The following TREX2 variants were observed in gnomAD, a reference collection of about 807,000 sequenced individuals.
TREX2 encodes 3'-5' exonuclease TREX2 long form.
For missense variants in TREX2, 242 were observed against 235.3 expected (o/e 1.03, Z -0.19); for synonymous variants, 121 against 112.1 (o/e 1.08, Z -0.50).
Position 153,445,235 on chromosome X carries a change from G to A in TREX2, c.196C>T (p.Pro66Ser). 2 of 1,203,304 alleles carry A rather than the reference G, an allele frequency of 1.7e-6. No homozygotes were observed. Among genetic ancestry groups the A allele is most frequent in the Non-Finnish European group, 2.2e-6 (2 of 890,228 alleles). Reference sequence around the variant, plus strand: ...GCCTTGGCAGTGAAGGGGCGCTCCGGGCACATGCACAGCGTGAGCTTGTCC... The same window carrying A: ...GCCTTGGCAGTGAAGGGGCGCTCCGAGCACATGCACAGCGTGAGCTTGTCC... The part of the protein sequence containing the change: ...VLDKLTLCMC[P>S]ERPFTAKASE... The change falls in exon 2 of 2, where the codon CCG (proline) becomes TCG (serine). Residue 66 changes from proline (P) to serine (S), a missense_variant. Transcript: ENST00000370231.
rs373809426 is a variant in TREX2 at position 153,445,165 on chromosome X, C to T, written c.266G>A (p.Arg89Gln). Residue 89 changes from arginine (R) to glutamine (Q), a missense_variant, in exon 2 of 2, where the codon CGG (arginine) becomes CAG (glutamine). Transcript: ENST00000370231. ...GLSSEGLARC[R>Q]KAGFDGAVVR... ...CACGGCGCCATCAAAGCCAGCCTTC[C>T]GGCATCGCGCCAGGCCCTCACTGCT... The T allele has an allele frequency of 1.2e-4, 149 of 1,207,809 alleles. No homozygotes were observed. The highest frequency in any genetic ancestry group is 2.0e-4 in the Admixed American group (9 of 45,736).
In TREX2 at chrX:153,445,346, C is replaced by T; in HGVS notation, c.85G>A (p.Glu29Lys). The T allele has an allele frequency of 8.3e-7, 1 of 1,198,726 alleles. No individual in the cohort carries two copies. The highest frequency in any genetic ancestry group is 1.1e-6 in the Non-Finnish European group (1 of 888,581). Residue 29 changes from glutamate to lysine, a missense_variant, in exon 2 of 2, where the codon GAG (glutamate) becomes AAG (lysine). Transcript: ENST00000370231. ...CGGTGGACAGCAAAGAGGGACAGCT[C>T]GGCAATCTCGGGCTCCACACTGGGG... ...GLPSVEPEIA[E>K]LSLFAVHRSS...
intron 1 of TREX2, 32 bp from the exon 2 acceptor site, chrX:153,445,527 T>C: frequency 1.2e-6 from 1 of 846,578 alleles, no homozygotes; most frequent in Non-Finnish European, 1.7e-6. Context: ...GGCCCTGCTG[T>C]GTACCATCCT....
In TREX2 at chrX:153,445,174, G is replaced by T; in HGVS notation, c.257C>A (p.Ala86Glu). The T allele has an allele frequency of 2.5e-6, 3 of 1,209,410 alleles. No homozygotes were observed. The highest frequency in any genetic ancestry group is 3.4e-6 in the Non-Finnish European group (3 of 894,617). ...EITGLSSEGL[A>E]RCRKAGFDGA... is the part of the protein sequence containing the mutation. ...ATCAAAGCCAGCCTTCCGGCATCGC[G>T]CCAGGCCCTCACTGCTCAGGCCGGT... is the stretch of plus-strand genomic sequence containing the variant. Residue 86 changes from alanine to glutamate, a missense_variant, in exon 2 of 2, where the codon GCG becomes GAG. Physicochemically the swap from Ala to Glu is moderately radical, Grantham distance 107 (BLOSUM62 -1). Coordinates refer to ENST00000370231, the MANE Select transcript of TREX2 (RefSeq NM_080701.4).
At position 153,445,002 on chromosome X, in the gene TREX2, G is replaced by C. The variant is rs1556979313; in HGVS notation, c.429C>G (p.Val143=). 2 of 1,176,499 alleles carry C rather than the reference G, an allele frequency of 1.7e-6. No individual in the cohort carries two copies. Among genetic ancestry groups the C allele is most frequent in the Middle Eastern group, 2.4e-4 (1 of 4,220 alleles). The change falls in exon 2 of 2, where the codon GTC becomes GTG. Residue 143 remains valine (V), a synonymous_variant. Coordinates refer to ENST00000370231, the MANE Select transcript of TREX2 (RefSeq NM_080701.4). ...RLGARLPRDT[V]CLDTLPALRG... is the part of the protein sequence containing the mutation. ...GCAGGGCCGGCAGCGTGTCCAGGCA[G>C]ACAGTGTCCCGGGGCAGGCGGGCAC...
intron 1 of TREX2, 121 bp from the exon 2 acceptor site, chrX:153,445,616 G>A: frequency 3.8e-6 from 2 of 529,756 alleles, no homozygotes; most frequent in Non-Finnish European, 6.7e-6. Flanking sequence ...CTTTGGCTCT[G>A]GGAGCGTCAG....
rs781871778 is a variant in TREX2 at position 153,445,347 on chromosome X, G to T, written c.84C>A (p.Ala28=). The T allele has an allele frequency of 3.2e-5, 38 of 1,196,103 alleles. No homozygotes were observed. The highest frequency in any genetic ancestry group is 4.2e-5 in the Non-Finnish European group (37 of 887,756). The stretch of plus-strand genomic sequence containing the variant: ...GGTGGACAGCAAAGAGGGACAGCTC[G>T]GCAATCTCGGGCTCCACACTGGGGA... ...TGLPSVEPEI[A]ELSLFAVHRS... is the part of the protein sequence containing the mutation. Residue 28 remains alanine, a synonymous_variant, in exon 2 of 2, where the codon GCC becomes GCA. Transcript: ENST00000370231.
At position 153,445,321 on chromosome X, in the gene TREX2, C is replaced by T. The variant is rs782408064; in HGVS notation, c.110G>A (p.Arg37His). The change falls in exon 2 of 2, where the codon CGC (arginine) becomes CAC (histidine). Residue 37 changes from arginine (R) to histidine (H), a missense_variant. Physicochemically the swap from Arg to His is conservative, Grantham distance 29 (BLOSUM62 0). Coordinates refer to ENST00000370231, the MANE Select transcript of TREX2 (RefSeq NM_080701.4). ...GTGCTCCGGGTTCTCCAGGGAGGAGCGGTGGACAGCAAAGAGGGACAGCTC... is the reference window on the plus strand; with the variant it reads ...GTGCTCCGGGTTCTCCAGGGAGGAGTGGTGGACAGCAAAGAGGGACAGCTC... ...IAELSLFAVH[R>H]SSLENPEHDE... 21 of 1,203,131 alleles carry T rather than the reference C, an allele frequency of 1.7e-5. No homozygotes were observed. The highest frequency in any genetic ancestry group is 2.2e-5 in the Non-Finnish European group (20 of 891,382).
At chrX:153,445,652 G>A in intron 1 of TREX2, 157 bp from the exon 2 acceptor site, 1 of 515,086 alleles carries the variant, frequency 1.9e-6, no homozygotes, top group East Asian at 3.6e-5. Flanking sequence ...CTACTGAACA[G>A]AAAAGGCAGG....
chrX:153,444,836 G>A lies in TREX2; in HGVS notation c.595C>T (p.Leu199=), dbSNP rs782502623. The change falls in exon 2 of 2, where the codon CTG becomes TTG. Residue 199 remains leucine (L), a synonymous_variant. Transcript: ENST00000370231. ...TCTGCGGCGCGGTGCAGGAAGATCA[G>A]GAGCAGGGTGTGCACGTCGCCCTCG... ...SAEGDVHTLL[L]IFLHRAAELL... 1.7e-6 allele frequency: 2 copies of A among 1,201,108 alleles called. No individual in the cohort carries two copies. Among genetic ancestry groups the A allele is most frequent in the African/African-American group, 3.5e-5 (2 of 57,556 alleles).
Position 153,445,405 on chromosome X carries a change from G to T in TREX2, c.26C>A (p.Thr9Asn). ...GGCTTCCAGGTCCAGGAAGACAAAG[G>T]TCTCGGCCCGGGGTGCCTCGGACAT... is the stretch of plus-strand genomic sequence containing the variant. MSEAPRAETFVFLDLEATG... is the reference protein window; with the variant it reads MSEAPRAENFVFLDLEATG... Residue 9 changes from threonine (T) to asparagine (N), a missense_variant, in exon 2 of 2, where the codon ACC becomes AAC. Physicochemically the swap from Thr to Asn is moderately conservative, Grantham distance 65 (BLOSUM62 0). Coordinates refer to ENST00000370231, the MANE Select transcript of TREX2 (RefSeq NM_080701.4). The T allele has an allele frequency of 8.7e-7, 1 of 1,145,731 alleles. No homozygotes were observed. The allele number at this position is 1,145,731 out of a possible 1,213,427, so 94.4% of individuals were successfully genotyped here.
In TREX2 at chrX:153,444,627, G is replaced by A. The variant is rs889140175; in HGVS notation, c.*93C>T. ...GAAGGCCTGGCAGGTGCACGGACCT[G>A]AGGCTGCCCAGATAGGAGGAGCCGG... On this transcript the variant is annotated 3_prime_UTR_variant, in exon 2 of 2. Transcript: ENST00000370231. 157 of 1,008,235 alleles carry A rather than the reference G, an allele frequency of 1.6e-4. No homozygotes were observed. The highest frequency in any genetic ancestry group is 3.6e-4 in the Middle Eastern group (1 of 2,754). 83.1% of individuals were successfully genotyped at this position (1,008,235 alleles called of 1,213,427 possible).
Position 153,444,674 on chromosome X carries a change from C to T in TREX2, c.*46G>A, listed in dbSNP as rs1556979142. The T allele has an allele frequency of 6.1e-6, 7 of 1,148,397 alleles. No homozygotes were observed. The highest frequency in any genetic ancestry group is 3.6e-5 in the African/African-American group (2 of 55,792). 94.6% of individuals were successfully genotyped at this position (1,148,397 alleles called of 1,213,427 possible). A position where few individuals can be genotyped will look rare whatever the true frequency, so the allele number is the denominator to read the frequency against. On this transcript the variant is annotated 3_prime_UTR_variant, in exon 2 of 2. Coordinates refer to ENST00000370231, the MANE Select transcript of TREX2 (RefSeq NM_080701.4). ...CCGGGGGTGGTAGAGGCCAGCTGAA[C>T]GGTGGAGGCTGGCACTGTCCATGGC...
At chrX:153,445,567 G>A in intron 1 of TREX2, 72 bp from the exon 2 acceptor site, 1 of 662,463 alleles carries the variant, frequency 1.5e-6, no homozygotes, top group Non-Finnish European at 2.4e-6. Flanking sequence ...ACCCTTCTGG[G>A]GCTCACTTCC....
chrX:153,444,926 C>G lies in TREX2; in HGVS notation c.505G>C (p.Gly169Arg). ...TGGAAGAGGCTGCCGAGGCTGTAAC[C>G]CTGGCGGCCCCGGGCCCGGGTGCCG... ...SHGTRARGRQ[G>R]YSLGSLFHRY... Residue 169 changes from glycine (G) to arginine (R), a missense_variant, in exon 2 of 2, where the codon GGT becomes CGT. Gly to Arg is a moderately radical substitution (Grantham distance 125). Transcript: ENST00000370231. 8.4e-7 allele frequency: 1 copy of G among 1,196,786 alleles called. No homozygotes were observed. The highest frequency in any genetic ancestry group is 1.1e-6 in the Non-Finnish European group (1 of 888,336).
At position 153,444,795 on chromosome X, in the gene TREX2, G is replaced by GA; in HGVS notation, c.635_636insT (p.Asp213ArgfsTer2). ...GGGCCCACCCACGGGCCTGCTCATC[G>GA]GCCCAGGCGAGCAGCTCTGCGGCGC... is the stretch of plus-strand genomic sequence containing the variant. On this transcript the variant is annotated frameshift_variant, in exon 2 of 2. Coordinates refer to ENST00000370231, the MANE Select transcript of TREX2 (RefSeq NM_080701.4). LOFTEE classifies it low-confidence loss of function (END_TRUNC). The GA allele has an allele frequency of 2.5e-6, 3 of 1,197,723 alleles. No individual in the cohort carries two copies. The East Asian group carries it at 9.0e-5, about 36-fold the overall frequency.
chrX:153,445,145 C>T lies in TREX2; in HGVS notation c.286G>A (p.Ala96Thr), dbSNP rs782797044. ...ARCRKAGFDG[A>T]VVRTLQAFLS... The stretch of plus-strand genomic sequence containing the variant: ...AAGGCCTGCAGCGTCCGCACCACGG[C>T]GCCATCAAAGCCAGCCTTCCGGCAT... The change falls in exon 2 of 2, where the codon GCC (alanine) becomes ACC (threonine). Residue 96 changes from alanine (A) to threonine (T), a missense_variant. Ala to Thr is a moderately conservative substitution (Grantham distance 58). Coordinates refer to ENST00000370231, the MANE Select transcript of TREX2 (RefSeq NM_080701.4). The T allele has an allele frequency of 8.3e-7, 1 of 1,206,960 alleles. No individual in the cohort carries two copies. The highest frequency in any genetic ancestry group is 1.1e-6 in the Non-Finnish European group (1 of 893,496).
rs1556979467 is a variant in TREX2 at position 153,445,281 on chromosome X, G to A, written c.150C>T (p.Ala50=). The A allele has an allele frequency of 8.3e-7, 1 of 1,202,106 alleles. No individual in the cohort carries two copies. The highest frequency in any genetic ancestry group is 3.0e-5 in the East Asian group (1 of 33,631). The change falls in exon 2 of 2, where the codon GCC becomes GCT. Residue 50 remains alanine, a synonymous_variant. Coordinates refer to ENST00000370231, the MANE Select transcript of TREX2 (RefSeq NM_080701.4). ...TGTCCAGGACCCGGGGCAATACTAG[G>A]GCACCAGACTCGTCGTGCTCCGGGT... ...LENPEHDESG[A]LVLPRVLDKL...
chrX:153,444,578 C>G lies in TREX2; in HGVS notation c.*142G>C. 1.5e-6 allele frequency: 1 copy of G among 652,902 alleles called. No individual in the cohort carries two copies. Among genetic ancestry groups the G allele is most frequent in the South Asian group, 2.7e-5 (1 of 37,080 alleles). 53.8% of individuals were successfully genotyped at this position (652,902 alleles called of 1,213,427 possible). ...CGGGGCCTGGAGAGGAATCCAGGGC[C>G]GTATGGCTGGTCAGGCAGCCAGGGA... On this transcript the variant is annotated 3_prime_UTR_variant, in exon 2 of 2. Transcript: ENST00000370231.
Sources: allele counts gnomAD v4.1 joint callset, GRCh38; gene constraint gnomAD v4.1.1; transcripts MANE v1.5; gene names NCBI Gene and HGNC (gene_info 2026-07-23, HGNC 2026-07-21).